The following STK24 variants were observed in gnomAD, a reference collection of about 807,000 sequenced individuals.
The protein encoded by STK24 is serine/threonine kinase 24.
A neutral mutation model predicts 55.6 loss-of-function variants in STK24; 21 were observed. The observed-to-expected ratio is 0.38, with a 90% confidence interval of 0.27 to 0.54. The LOEUF (loss-of-function observed/expected upper bound fraction) is 0.54. STK24 is among the 20% of genes least tolerant of loss of function. STK24 has a pLI of 0.79. For missense variants in STK24, 383 were observed against 538.4 expected, an observed-to-expected ratio of 0.71 and a Z score of 2.86; for synonymous variants, 200 against 215.2, an observed-to-expected ratio of 0.93 and a Z score of 0.62.
At chr13:98,486,942 A>C (rs1894830960) in intron 2 of STK24, among the ~76,000 whole-genome samples, 1 of 152,202 alleles carries the variant, frequency 6.6e-6, no homozygotes, top group Non-Finnish European at 1.5e-5. Flanking sequence ...GTGACAATTA[A>C]ATGAGATCAT....
In STK24 at chr13:98,453,381, GAGA is replaced by G. The variant is rs1269258149; in HGVS notation, c.1260-175_1260-173del. ...TTTTAAAAGAATGCATATAAAGACT[GAGA>G]AGATCATGATTCTTACACAAAAACT... On this transcript the variant is annotated intron_variant, in intron 10 of 10. Transcript: ENST00000539966. The G allele has an allele frequency of 3.2e-4, 206 of 646,090 alleles. No individual in the cohort carries two copies. In the Admixed American group the frequency reaches 4.2e-3, roughly 13 times the overall value. The allele number at this position is 646,090 out of a possible 1,614,324, so 40.0% of individuals were successfully genotyped here.
At chr13:98,560,931 C>T (rs1897401759) in intron 1 of STK24, among the ~76,000 whole-genome samples, 1 of 151,852 alleles carries the variant, frequency 6.6e-6, no homozygotes. Context: ...ATAATTCAGT[C>T]AGGCAGAATT....
Position 98,525,431 on chromosome 13 carries a change from G to A in STK24, c.43-5958C>T, listed in dbSNP as rs1304930225. Among the ~76,000 whole-genome samples, 4 of 152,154 alleles carry A rather than the reference G, an allele frequency of 2.6e-5. No homozygotes were observed. In the East Asian group the frequency reaches 5.8e-4, roughly 22 times the overall value. ...GAAGCAGTGGGAGGTCAGGACACATGGACAACCCCCGCTCCCCAACATTCC... is the reference window on the plus strand; with the variant it reads ...GAAGCAGTGGGAGGTCAGGACACATAGACAACCCCCGCTCCCCAACATTCC... On this transcript the variant is annotated intron_variant, in intron 1 of 10. Transcript: ENST00000539966.
At chr13:98,473,487 C>T (rs1894237673) in intron 5 of STK24, among the ~76,000 whole-genome samples, 1 of 151,824 alleles carries the variant, frequency 6.6e-6, no homozygotes, top group Admixed American at 6.6e-5. Context: ...ATGGACTAAA[C>T]ATGTAAGTTC....
chr13:98,467,298 T>A (rs201531663), intron 5 of STK24, among the ~76,000 whole-genome samples: 4 of 152,308 alleles, frequency 2.6e-5, no homozygotes, highest in East Asian at 3.9e-4. Context: ...CATCATGACA[T>A]TTTCCCCCGA....
intron 2 of STK24, among the ~76,000 whole-genome samples, chr13:98,492,078 T>TGCGC (rs201341112): frequency 7.4e-5 from 1 of 13,526 alleles, no homozygotes; most frequent in Admixed American, 1.1e-3. Context: ...TGCGTGCGCG[T>TGCGC]GTGTGTGTGT....
At chr13:98,478,470 G>A (rs556008044) in intron 3 of STK24, among the ~76,000 whole-genome samples, 1 of 152,354 alleles carries the variant, frequency 6.6e-6, no homozygotes, top group South Asian at 2.1e-4. Flanking sequence ...AGCACTGGCA[G>A]TGGGAGAGGA....
At position 98,446,971 on chromosome 13, in the gene STK24, C is replaced by T. The variant is rs1012623895; in HGVS notation, c.*6202G>A. ...GGTCCCACTGCCCGACACCAGCAGG[C>T]GATTCTGTTCTCATGGCAGAAAGTG... On this transcript the variant is annotated 3_prime_UTR_variant, in exon 11 of 11. Transcript: ENST00000539966. 40 of 731,354 alleles carry T rather than the reference C, an allele frequency of 5.5e-5. No individual in the cohort carries two copies. The highest frequency in any genetic ancestry group is 7.9e-5 in the Admixed American group (3 of 38,010). The allele number at this position is 731,354 out of a possible 1,614,324, so 45.3% of individuals were successfully genotyped here.
rs928474277 is a variant in STK24 at position 98,542,884 on chromosome 13, C to T, written c.43-23411G>A. The T allele has an allele frequency of 3.0e-5, 30 of 985,332 alleles. No homozygotes were observed. The African/African-American group carries it at 5.2e-4, about 17-fold the overall frequency. The allele number at this position is 985,332 out of a possible 1,614,324, so 61.0% of individuals were successfully genotyped here. The stretch of plus-strand genomic sequence containing the variant: ...AGGTCAGTTGAAATCTAGACCCCCT[C>T]ATTTCCAAACAACACCAGAACACGC... On this transcript the variant is annotated intron_variant, in intron 1 of 10. Coordinates refer to ENST00000539966, the MANE Select transcript of STK24 (RefSeq NM_001032296.4).
rs1566335501 is a variant in STK24, at chr13:98,450,391, C to T, written c.*2782G>A. 1 of 152,194 alleles carries T rather than the reference C, an allele frequency of 6.6e-6. No homozygotes were observed. The allele number at this position is 152,194 out of a possible 1,614,324, so 9.4% of individuals were successfully genotyped here. A position where few individuals can be genotyped will look rare whatever the true frequency, so the allele number is the denominator to read the frequency against. ...GCCAGAGGAAAGGTACAAAATGCTA[C>T]ATACAGAACCAAACCAGCCACTTCA... On this transcript the variant is annotated 3_prime_UTR_variant, in exon 11 of 11. Transcript: ENST00000539966.
At chr13:98,477,533 G>A (rs1188603177) in intron 3 of STK24, among the ~76,000 whole-genome samples, 1 of 151,998 alleles carries the variant, frequency 6.6e-6, no homozygotes, top group African/African-American at 2.4e-5. Flanking sequence ...AAATTAGCCG[G>A]GCATGATGGC....
chr13:98,556,405 CCA>C lies in STK24; in HGVS notation c.42+20338_42+20339del, dbSNP rs1445874987. Reference sequence around the variant, plus strand: ...TGCCTAAGAAGTAAGCCCTCACGTTCCACTGTACTGGAAGTCAAGCCCACTGC... The same window carrying C: ...TGCCTAAGAAGTAAGCCCTCACGTTCCTGTACTGGAAGTCAAGCCCACTGC... On this transcript the variant is annotated intron_variant, in intron 1 of 10. Transcript: ENST00000539966. 3.9e-5 allele frequency among the ~76,000 whole-genome samples: 6 copies of C among 152,252 alleles called. No individual in the cohort carries two copies. In the East Asian group the frequency reaches 9.6e-4, roughly 24 times the overall value.
chr13:98,445,615 A>ATCTT lies in STK24; in HGVS notation c.*7554_*7557dup, dbSNP rs1309467592. On this transcript the variant is annotated 3_prime_UTR_variant, in exon 11 of 11. Transcript: ENST00000539966. ...TGCTGCTCTGAGCTTGTTGGGATGG[A>ATCTT]TCTTTCCCTCCTTCAGCTTCCGCCT... The ATCTT allele has an allele frequency of 6.5e-6, 1 of 153,908 alleles. No homozygotes were observed. The highest frequency in any genetic ancestry group is 1.4e-5 in the Non-Finnish European group (1 of 69,312). 9.5% of individuals were successfully genotyped at this position (153,908 alleles called of 1,614,324 possible).
At chr13:98,555,977 G>A (rs1897280386) in intron 1 of STK24, among the ~76,000 whole-genome samples, 1 of 150,466 alleles carries the variant, frequency 6.6e-6, no homozygotes, top group South Asian at 2.1e-4. Context: ...CCACCGTGCG[G>A]GCTACCAGCC....
intron 5 of STK24, among the ~76,000 whole-genome samples, chr13:98,467,462 G>A (rs994433978): frequency 2.0e-5 from 3 of 151,972 alleles, no homozygotes; most frequent in South Asian, 2.1e-4. Context: ...CAAAGTCCAC[G>A]GGGTACAACT....
At chr13:98,536,829 C>T (rs1161548867) in intron 1 of STK24, among the ~76,000 whole-genome samples, 5 of 152,110 alleles carry the variant, frequency 3.3e-5, no homozygotes, top group African/African-American at 1.2e-4. Context: ...CACCACACTC[C>T]TCCGCCTGTC....
At position 98,445,575 on chromosome 13, in the gene STK24, G is replaced by GC. The variant is rs1331099617; in HGVS notation, c.*7597dup. 3 of 152,466 alleles carry GC rather than the reference G, an allele frequency of 2.0e-5. No individual in the cohort carries two copies. The highest frequency in any genetic ancestry group is 4.4e-5 in the Non-Finnish European group (3 of 68,286). 9.4% of individuals were successfully genotyped at this position (152,466 alleles called of 1,614,324 possible). On this transcript the variant is annotated 3_prime_UTR_variant, in exon 11 of 11. Coordinates refer to ENST00000539966, the MANE Select transcript of STK24 (RefSeq NM_001032296.4). Reference sequence around the variant, plus strand: ...CCCCACTTCCTGGGTAGGGTGCCTGGCCCCTCAAAACGAGTGCTGCTCTGA... The same window carrying GC: ...CCCCACTTCCTGGGTAGGGTGCCTGGCCCCCTCAAAACGAGTGCTGCTCTGA...
At chr13:98,473,975 C>A (rs1396728593) in intron 5 of STK24, among the ~76,000 whole-genome samples, 1 of 152,192 alleles carries the variant, frequency 6.6e-6, no homozygotes, top group Non-Finnish European at 1.5e-5. Flanking sequence ...ATATGCATAT[C>A]TGAGTTAGGT....
At chr13:98,547,143 A>T (rs1211469608) in intron 1 of STK24, among the ~76,000 whole-genome samples, 2 of 152,086 alleles carry the variant, frequency 1.3e-5, no homozygotes, top group Admixed American at 1.3e-4. Flanking sequence ...CGATCTCCTG[A>T]CCTCGTGATC....
Sources: allele counts gnomAD v4.1 joint callset (sites outside exome capture counted in the v4.1 genomes callset), GRCh38; gene constraint gnomAD v4.1.1; transcripts MANE v1.5; gene names NCBI Gene and HGNC (gene_info 2026-07-23, HGNC 2026-07-21).